TMEM132C: variants seen among roughly 807,000 people sequenced by gnomAD.
TMEM132C encodes the protein transmembrane protein 132C.
Under a neutral mutation model 61.4 loss-of-function variants are expected in TMEM132C, and 29 were observed. That is an observed-to-expected ratio of 0.47 (90% CI 0.35 to 0.64). TMEM132C has a LOEUF of 0.64. Among genes scored for constraint, TMEM132C ranks in the 30% least tolerant of loss-of-function variants. The pLI is 0.00. For missense variants in TMEM132C, 1,408 were observed against 1,476.9 expected, an observed-to-expected ratio of 0.95 and a Z score of 0.76; for synonymous variants, 656 against 633.1, an observed-to-expected ratio of 1.04 and a Z score of -0.54.
intron 2 of TMEM132C, among the ~76,000 whole-genome samples, chr12:128,421,470 A>C (rs1262024388): frequency 6.6e-6 from 1 of 152,194 alleles, no homozygotes; most frequent in Non-Finnish European, 1.5e-5. Context: ...AAACCCAAAG[A>C]CTTTCTCCAA....
At chr12:128,283,530 C>A (rs1000197706) in intron 1 of TMEM132C, among the ~76,000 whole-genome samples, 2 of 151,058 alleles carry the variant, frequency 1.3e-5, no homozygotes, top group East Asian at 3.9e-4. Flanking sequence ...ATCTAGGCAT[C>A]TCTCTCTCTC....
At chr12:128,547,324 G>A (rs1252244514) in intron 3 of TMEM132C, among the ~76,000 whole-genome samples, 1 of 151,828 alleles carries the variant, frequency 6.6e-6, no homozygotes. Context: ...GCACTCACAG[G>A]TGCAGACAGT....
rs1034239106 is a variant in TMEM132C, at chr12:128,539,050, A to G, written c.975-4907A>G. Among the ~76,000 whole-genome samples the G allele has an allele frequency of 2.6e-5, 4 of 152,158 alleles. No individual in the cohort carries two copies. In the South Asian group the frequency reaches 8.3e-4, roughly 32 times the overall value. On this transcript the variant is annotated intron_variant, in intron 2 of 8. Transcript: ENST00000435159. ...CTGAAACTCTCCTCTAGTTGTTTAA[A>G]TGTCCTCAAGGAACACTTATTGAAC...
chr12:128,268,294 G>A (rs1207522654), intron 1 of TMEM132C, among the ~76,000 whole-genome samples: 1 of 152,220 alleles, frequency 6.6e-6, no homozygotes, highest in African/African-American at 2.4e-5. Flanking sequence ...GCTCACGAAA[G>A]GTAGCCGTGT....
intron 1 of TMEM132C, chr12:128,404,333 A>G (rs923270453): frequency 1.3e-5 from 2 of 152,174 alleles, no homozygotes; most frequent in Non-Finnish European, 2.9e-5. Flanking sequence ...GCTTCATCCC[A>G]TCTGCCTGGA....
intron 2 of TMEM132C, among the ~76,000 whole-genome samples, chr12:128,484,431 A>G (rs1010143825): frequency 1.7e-4 from 26 of 152,180 alleles, no homozygotes; most frequent in African/African-American, 6.3e-4. Flanking sequence ...TATCATAGGC[A>G]GGTACAATCT....
intron 1 of TMEM132C, among the ~76,000 whole-genome samples, chr12:128,410,656 A>C (rs1433192368): frequency 1.3e-5 from 2 of 152,036 alleles, no homozygotes; most frequent in Non-Finnish European, 2.9e-5. Flanking sequence ...CACCCACCTC[A>C]GCCTCCCAAA....
At chr12:128,267,720 C>T (rs922374796) in intron 1 of TMEM132C, among the ~76,000 whole-genome samples, 2 of 152,176 alleles carry the variant, frequency 1.3e-5, no homozygotes, top group African/African-American at 2.4e-5. Context: ...AATCTCCCAC[C>T]CCGGACCCCC....
At chr12:128,395,331 G>A (rs975737753) in intron 1 of TMEM132C, among the ~76,000 whole-genome samples, 2 of 151,858 alleles carry the variant, frequency 1.3e-5, no homozygotes, top group Non-Finnish European at 2.9e-5. Flanking sequence ...TGTTCCTTAT[G>A]TGATAATTGT....
rs1455874406 is a variant in TMEM132C, at chr12:128,415,655, C to T, written c.974+35C>T. 1.3e-6 allele frequency: 2 copies of T among 1,482,750 alleles called. No homozygotes were observed. The highest frequency in any genetic ancestry group is 3.5e-4 in the Middle Eastern group (2 of 5,674). 91.8% of individuals were successfully genotyped at this position (1,482,750 alleles called of 1,614,324 possible). A position where few individuals can be genotyped will look rare whatever the true frequency, so the allele number is the denominator to read the frequency against. On this transcript the variant is annotated intron_variant, in intron 2 of 8. Transcript: ENST00000435159. This position sits in a 1 kb window ranked among gnomAD's most constrained non-coding sequence, Gnocchi z 5.8. ...CATGCTTGCCCCTGATCATCTTTGG[C>T]ATGCCTGGTGTGAGACTGGGTTCCA...
At chr12:128,294,663 C>A (rs74461450) in intron 1 of TMEM132C, among the ~76,000 whole-genome samples, 2 of 143,042 alleles carry the variant, frequency 1.4e-5, no homozygotes, top group Admixed American at 1.4e-4. Context: ...TGGTGAGAGC[C>A]GGCTTCCTGG....
At chr12:128,318,089 T>C (rs1296419964) in intron 1 of TMEM132C, among the ~76,000 whole-genome samples, 1 of 152,144 alleles carries the variant, frequency 6.6e-6, no homozygotes, top group Non-Finnish European at 1.5e-5. Flanking sequence ...GGGCTCGGCT[T>C]TGAGGACATG....
At chr12:128,688,454 T>TA (rs1313706731) in intron 5 of TMEM132C, among the ~76,000 whole-genome samples, 1 of 151,418 alleles carries the variant, frequency 6.6e-6, no homozygotes, top group East Asian at 1.9e-4. Context: ...AAAATGAGAT[T>TA]AAAAAAAAGC....
At chr12:128,356,754 G>T (rs145208425) in intron 1 of TMEM132C, among the ~76,000 whole-genome samples, 37 of 152,336 alleles carry the variant, frequency 2.4e-4, no homozygotes, top group African/African-American at 7.5e-4. Context: ...TATTAATGTT[G>T]CAGCCTTCTG....
chr12:128,536,749 T>TTGTG (rs55718178), intron 2 of TMEM132C, among the ~76,000 whole-genome samples: 5 of 151,302 alleles, frequency 3.3e-5, no homozygotes, highest in African/African-American at 7.3e-5. Flanking sequence ...TAGGGGGTGC[T>TTGTG]TGTGTGTGTG....
chr12:128,683,363 C>T (rs938836533), intron 5 of TMEM132C, among the ~76,000 whole-genome samples: 7 of 152,164 alleles, frequency 4.6e-5, no homozygotes, highest in South Asian at 2.1e-4. Context: ...TGCTCTCTCC[C>T]GGCATGACAC....
intron 3 of TMEM132C, among the ~76,000 whole-genome samples, chr12:128,614,019 C>T (rs1876717812): frequency 6.6e-6 from 1 of 151,592 alleles, no homozygotes; most frequent in South Asian, 2.1e-4. Flanking sequence ...CACCACTTAG[C>T]GCCATCCTTA....
chr12:128,358,139 A>G (rs956632668), intron 1 of TMEM132C, among the ~76,000 whole-genome samples: 1 of 152,124 alleles, frequency 6.6e-6, no homozygotes, highest in Non-Finnish European at 1.5e-5. Context: ...AGAGAGGCCC[A>G]GGGTGGAACA....
chr12:128,286,434 C>T (rs1439072687), intron 1 of TMEM132C, among the ~76,000 whole-genome samples: 2 of 152,226 alleles, frequency 1.3e-5, no homozygotes, highest in African/African-American at 4.8e-5. Flanking sequence ...GCCACTCCCA[C>T]ATGGTGACAG....
Sources: gnomAD v4.1 joint callset for allele counts (sites outside exome capture counted in the v4.1 genomes callset) on GRCh38, gnomAD v4.1.1 for gene constraint, Gnocchi (gnomAD v3.1) non-coding constraint, MANE v1.5 for transcripts, NCBI Gene and HGNC (gene_info 2026-07-23, HGNC 2026-07-21) for gene names.